Variants in DNAAF11 observed in about 807,000 individuals in gnomAD.
DNAAF11 encodes leucine rich repeat containing 6.
DNAAF11 carries 45 observed loss-of-function variants against 60.8 expected under a neutral mutation model. The ratio of observed to expected loss-of-function variants is 0.74; its 90% CI spans 0.58 to 0.95. The LOEUF is 0.95. DNAAF11 is among the 40% of genes least tolerant of loss of function. The probability of loss-of-function intolerance (pLI) is 0.00; values close to 1 mark genes in which losing one functional copy is unlikely to be tolerated. For synonymous variants in DNAAF11, 191 were observed against 183.5 expected (o/e 1.04, Z -0.33); for missense variants, 546 against 546.2 (o/e 1.00, Z 0.00).
At chr8:132,620,707 A>G (rs763860012) in intron 7 of DNAAF11, among the ~76,000 whole-genome samples, 11 of 152,370 alleles carry the variant, frequency 7.2e-5, no homozygotes, top group Middle Eastern at 6.8e-3. Context: ...GGGTACAGTA[A>G]GAAAAATAGG....
At chr8:132,639,142 T>G (rs1259183626) in intron 3 of DNAAF11, among the ~76,000 whole-genome samples, 3 of 152,234 alleles carry the variant, frequency 2.0e-5, no homozygotes, top group Non-Finnish European at 2.9e-5. Flanking sequence ...ATATGACTTC[T>G]CGGACAATGT....
chr8:132,605,268 C>A (rs1818018048), intron 10 of DNAAF11, among the ~76,000 whole-genome samples: 1 of 152,174 alleles, frequency 6.6e-6, no homozygotes, highest in South Asian at 2.1e-4. Flanking sequence ...GGTTCTCTGG[C>A]TCCAGAGCCC....
At chr8:132,677,605 G>A (rs1825808264), upstream of DNAAF11, among the ~76,000 whole-genome samples, 1 of 151,966 alleles carries the variant, frequency 6.6e-6, no homozygotes, top group Non-Finnish European at 1.5e-5. Context: ...AAGAAACTGA[G>A]GTAAAATTAA....
At chr8:132,669,940 CAAAAAAAAAAAAAAA>C (rs35402875) in intron 1 of DNAAF11, among the ~76,000 whole-genome samples, 1 of 69,786 alleles carries the variant, frequency 1.4e-5, no homozygotes, top group South Asian at 6.4e-4. Flanking sequence ...GACTCCGTCT[CAAAAAAAAAAAAAAA>C]AAAAAAAAAA....
chr8:132,588,198 G>A (rs1816101418), intron 10 of DNAAF11, among the ~76,000 whole-genome samples: 1 of 152,084 alleles, frequency 6.6e-6, no homozygotes, highest in Non-Finnish European at 1.5e-5. Flanking sequence ...ATAAAAATGA[G>A]CAAACAGTAA....
chr8:132,610,189 G>T lies in DNAAF11; in HGVS notation c.1117C>A (p.His373Asn), dbSNP rs765310271. The change falls in exon 10 of 12, where the codon CAT becomes AAT. Residue 373 changes from histidine to asparagine, a missense_variant. Physicochemically the swap from His to Asn is moderately conservative, Grantham distance 68 (BLOSUM62 1). Coordinates refer to ENST00000620350, the MANE Select transcript of DNAAF11 (RefSeq NM_012472.6). ...ACCTTGGGCATGCAGATGACCAAAT[G>T]ACCCGTTGTCTGAGATCTTTTAGCA... The part of the protein sequence containing the change: ...SSAKRSQTTG[H>N]LVICMPKVGE... 2.5e-6 allele frequency: 4 copies of T among 1,613,872 alleles called. No homozygotes were observed. Among genetic ancestry groups the T allele is most frequent in the Non-Finnish European group, 3.4e-6 (4 of 1,179,824 alleles).
chr8:132,577,790 C>T (rs530131922), intron 11 of DNAAF11, among the ~76,000 whole-genome samples: 24 of 152,266 alleles, frequency 1.6e-4, no homozygotes, highest in Admixed American at 1.4e-3. Context: ...TCCCAAGTAG[C>T]TGGGGCTACA....
At chr8:132,582,475 C>G (rs1273392232) in intron 11 of DNAAF11, among the ~76,000 whole-genome samples, 5 of 152,184 alleles carry the variant, frequency 3.3e-5, no homozygotes. Flanking sequence ...TAGATTCAGA[C>G]TCTTTCCATG....
intron 4 of DNAAF11, among the ~76,000 whole-genome samples, chr8:132,633,744 G>A (rs571904178): frequency 1.9e-3 from 285 of 152,274 alleles, no homozygotes; most frequent in African/African-American, 6.4e-3. Flanking sequence ...ATAAGTAAAA[G>A]AGAAAGACAT....
At chr8:132,618,057 C>T (rs1400588375) in intron 7 of DNAAF11, among the ~76,000 whole-genome samples, 4 of 150,796 alleles carry the variant, frequency 2.7e-5, no homozygotes, top group Non-Finnish European at 6.0e-5. Flanking sequence ...CACTACAAGG[C>T]TACAGTAACC....
chr8:132,597,971 C>A (rs1382266871), intron 10 of DNAAF11, among the ~76,000 whole-genome samples: 1 of 152,142 alleles, frequency 6.6e-6, no homozygotes, highest in African/African-American at 2.4e-5. Context: ...AAAGGTGAAG[C>A]ACTTTACTAT....
At chr8:132,616,355 T>C (rs1451088021) in intron 7 of DNAAF11, among the ~76,000 whole-genome samples, 1 of 152,060 alleles carries the variant, frequency 6.6e-6, no homozygotes, top group Non-Finnish European at 1.5e-5. Context: ...GAACAGAATG[T>C]AGGAGGCCAA....
At chr8:132,625,236 GCTA>G (rs747378095) in intron 6 of DNAAF11, 33 bp downstream of exon 6, 38 of 1,469,160 alleles carry the variant, frequency 2.6e-5, no homozygotes, top group Non-Finnish European at 3.5e-5. Context: ...TTGATAAGTG[GCTA>G]CTGCTTCCCT....
the DNAAF11 span, among the ~76,000 whole-genome samples, chr8:132,695,087 G>A: frequency 1.3e-5 from 2 of 152,286 alleles, no homozygotes; most frequent in African/African-American, 4.8e-5. Context: ...ATTGAAGGTT[G>A]TTGACGTCTT....
At chr8:132,620,783 G>C (rs1819679445) in intron 7 of DNAAF11, among the ~76,000 whole-genome samples, 1 of 152,182 alleles carries the variant, frequency 6.6e-6, no homozygotes, top group African/African-American at 2.4e-5. Flanking sequence ...GTTCCCCCAG[G>C]AACATAAGAA....
intron 5 of DNAAF11, among the ~76,000 whole-genome samples, chr8:132,629,871 G>A (rs907850007): frequency 2.6e-5 from 4 of 152,056 alleles, no homozygotes; most frequent in African/African-American, 7.2e-5. Flanking sequence ...TTAAATATCA[G>A]CAAAACCAAT....
intron 1 of DNAAF11, among the ~76,000 whole-genome samples, chr8:132,663,885 T>C (rs957794656): frequency 2.0e-5 from 3 of 151,952 alleles, no homozygotes; most frequent in Non-Finnish European, 4.4e-5. Context: ...GTCAGGGAGG[T>C]GGATGGCATG....
the DNAAF11 span, among the ~76,000 whole-genome samples, chr8:132,697,968 G>A: frequency 1.3e-5 from 2 of 152,164 alleles, no homozygotes; most frequent in African/African-American, 4.8e-5. Flanking sequence ...TAAAATGTAT[G>A]TATTTATAAC....
chr8:132,609,231 A>G lies in DNAAF11; in HGVS notation c.1140+935T>C, dbSNP rs77186056. On this transcript the variant is annotated intron_variant, in intron 10 of 11. Transcript: ENST00000620350. ...AGTCTCCAATAAAAAATGGCATAGT[A>G]TTTGTATATAACCCACAAACATCTG... Among the ~76,000 whole-genome samples the G allele has an allele frequency of 1.1e-3, 170 of 152,194 alleles. 2 individuals are homozygous for G. In the East Asian group the frequency reaches 0.031, roughly 27 times the overall value.
Sources: allele counts gnomAD v4.1 joint callset (sites outside exome capture counted in the v4.1 genomes callset), GRCh38; gene constraint gnomAD v4.1.1; transcripts MANE v1.5; gene names NCBI Gene and HGNC (gene_info 2026-07-23, HGNC 2026-07-21).